The following TNR variants were observed in gnomAD, a reference collection of about 807,000 sequenced individuals.
TNR encodes tenascin R.
TNR carries 45 observed loss-of-function variants against 150.4 expected under a neutral mutation model. The observed-to-expected ratio is 0.30, with a 90% CI of 0.24 to 0.38. The LOEUF (loss-of-function observed/expected upper bound fraction) is 0.38, where lower values mean the gene tolerates loss of function less well. Ranked by LOEUF, TNR falls within the 10% of genes least tolerant of loss-of-function variation. The pLI, the probability that TNR is intolerant of heterozygous loss-of-function variation, is 1.00. For missense variants in TNR, 1,544 were observed against 1,759.1 expected, an observed-to-expected ratio of 0.88 and a Z score of 2.19; for synonymous variants, 687 against 678.4, an observed-to-expected ratio of 1.01 and a Z score of -0.20.
chr1:175,656,298 G>A (rs182864274), intron 1 of TNR, among the ~76,000 whole-genome samples: 9 of 152,188 alleles, frequency 5.9e-5, no homozygotes, highest in South Asian at 4.2e-4. Flanking sequence ...CAATGACCTC[G>A]GCTACGTGGT....
chr1:175,703,823 CAGCG>C (rs1452177175), intron 1 of TNR, among the ~76,000 whole-genome samples: 1 of 152,190 alleles, frequency 6.6e-6, no homozygotes, highest in Non-Finnish European at 1.5e-5. Flanking sequence ...TAAAATGGCA[CAGCG>C]TATAGGGGTA....
chr1:175,339,155 G>T (rs1356599448), intron 18 of TNR, among the ~76,000 whole-genome samples: 2 of 152,182 alleles, frequency 1.3e-5, no homozygotes, highest in Non-Finnish European at 2.9e-5. Flanking sequence ...AAGATTACAT[G>T]ACTCAGATTG....
At chr1:175,739,934 A>G (rs974178574) in intron 1 of TNR, among the ~76,000 whole-genome samples, 2 of 152,214 alleles carry the variant, frequency 1.3e-5, no homozygotes, top group East Asian at 3.8e-4. Context: ...TTTCAAAATC[A>G]TCTCTATGAA....
At chr1:175,680,781 T>TGTGTAG (rs1272093523) in intron 1 of TNR, among the ~76,000 whole-genome samples, 1 of 152,148 alleles carries the variant, frequency 6.6e-6, no homozygotes, top group Non-Finnish European at 1.5e-5. Flanking sequence ...AAGGACTGAG[T>TGTGTAG]ACCAGTGTGT....
chr1:175,420,821 A>C lies in TNR; in HGVS notation c.-63-14044T>G, dbSNP rs190687157. Among the ~76,000 whole-genome samples, 350 of 152,316 alleles carry C rather than the reference A, an allele frequency of 2.3e-3. 2 individuals carry two copies. The highest frequency in any genetic ancestry group is 4.2e-3 in the Admixed American group (65 of 15,296). On this transcript the variant is annotated intron_variant, in intron 2 of 22. Coordinates refer to ENST00000367674, the MANE Select transcript of TNR (RefSeq NM_003285.3). ...GGTAGTAAAGAAGTGCTCTGAGGGT[A>C]ATGTATGCTATCTCTGAGAAATTCA...
chr1:175,588,610 C>G (rs60500016), intron 1 of TNR, among the ~76,000 whole-genome samples: 18,658 of 152,092 alleles, frequency 0.12, 1,450 homozygotes, highest in African/African-American at 0.22. Context: ...TAATCAAACA[C>G]GGGCTGCTCT....
chr1:175,497,505 G>C (rs1658537427), intron 2 of TNR, among the ~76,000 whole-genome samples: 1 of 152,208 alleles, frequency 6.6e-6, no homozygotes, highest in African/African-American at 2.4e-5. Context: ...GCTTAACAAG[G>C]TTTTTCTGTA....
intron 1 of TNR, among the ~76,000 whole-genome samples, chr1:175,742,434 C>T (rs1400151664): frequency 2.0e-5 from 3 of 152,282 alleles, no homozygotes; most frequent in South Asian, 2.1e-4. Context: ...TTCTTTCCAA[C>T]CACCCATAGC....
At position 175,356,947 on chromosome 1, in the gene TNR, C is replaced by T. The variant is rs549522805; in HGVS notation, c.2975-485G>A. On this transcript the variant is annotated intron_variant, in intron 15 of 22. Coordinates refer to ENST00000367674, the MANE Select transcript of TNR (RefSeq NM_003285.3). ...GAGAACTGAGAATAATGGAGAGGTA[C>T]TGACCAATGAAATAAACAGGGTCAG... Among the ~76,000 whole-genome samples, 13 of 152,306 alleles carry T rather than the reference C, an allele frequency of 8.5e-5. No homozygotes were observed. In the East Asian group the frequency reaches 2.1e-3, roughly 25 times the overall value.
At chr1:175,648,287 G>C (rs1178522424) in intron 1 of TNR, among the ~76,000 whole-genome samples, 4 of 152,084 alleles carry the variant, frequency 2.6e-5, no homozygotes, top group African/African-American at 4.8e-5. Context: ...CTTAATACGT[G>C]CTCAATGGAT....
At chr1:175,379,903 A>G (rs1051669548) in intron 8 of TNR, among the ~76,000 whole-genome samples, 166 bp from the exon 9 acceptor site, 1 of 152,224 alleles carries the variant, frequency 6.6e-6, no homozygotes, top group Non-Finnish European at 1.5e-5. Flanking sequence ...GTCTGCTGTG[A>G]CAAATTCCTT....
chr1:175,685,745 C>T (rs1460526536), intron 1 of TNR, among the ~76,000 whole-genome samples: 1 of 152,110 alleles, frequency 6.6e-6, no homozygotes, highest in Non-Finnish European at 1.5e-5. Context: ...TCTCAGGTCC[C>T]AAATCATCCC....
chr1:175,427,596 TTTATTTTTTA>T (rs1655050155), intron 2 of TNR, among the ~76,000 whole-genome samples: 3 of 152,148 alleles, frequency 2.0e-5, no homozygotes, highest in Admixed American at 6.5e-5. Context: ...TTTATCATGG[TTTATTTTTTA>T]TTATTTTTTA....
At chr1:175,487,305 G>T (rs1658057866) in intron 2 of TNR, among the ~76,000 whole-genome samples, 1 of 152,144 alleles carries the variant, frequency 6.6e-6, no homozygotes, top group Middle Eastern at 3.2e-3. Flanking sequence ...TGGAGCTCAG[G>T]TGGTAATGCT....
chr1:175,326,969 A>T (rs76213440), intron 21 of TNR, among the ~76,000 whole-genome samples: 11 of 142,346 alleles, frequency 7.7e-5, no homozygotes, highest in Admixed American at 1.4e-4. Context: ...TTTTACTTCT[A>T]TTTTTTTTTT....
intron 2 of TNR, among the ~76,000 whole-genome samples, chr1:175,479,856 A>G (rs1657704318): frequency 6.6e-6 from 1 of 152,152 alleles, no homozygotes; most frequent in African/African-American, 2.4e-5. Context: ...CAAGCTAATG[A>G]GGCATGCTAA....
intron 1 of TNR, among the ~76,000 whole-genome samples, chr1:175,669,843 G>A (rs550953079): frequency 9.2e-5 from 14 of 152,162 alleles, no homozygotes; most frequent in Admixed American, 5.9e-4. Context: ...AATGACCTTT[G>A]CTGCCACCTT....
At position 175,337,653 on chromosome 1, in the gene TNR, C is replaced by T; in HGVS notation, c.3409G>A (p.Asp1137Asn). The T allele has an allele frequency of 6.2e-7, 1 of 1,614,218 alleles. No individual in the cohort carries two copies. The highest frequency in any genetic ancestry group is 2.2e-5 in the East Asian group (1 of 44,884). ...CCATTCATCAAATGCTGGGCACAGT[C>T]TTGGGGATGAGGGAACACCCGGCCT... The part of the protein sequence containing the change: ...TGGRVFPHPQ[D>N]CAQHLMNGDT... Residue 1137 changes from aspartate (D) to asparagine (N), a missense_variant, in exon 19 of 23, where the codon GAC becomes AAC. By Grantham distance (23) the Asp-to-Asn change is conservative (BLOSUM62 1). Coordinates refer to ENST00000367674, the MANE Select transcript of TNR (RefSeq NM_003285.3).
intron 1 of TNR, among the ~76,000 whole-genome samples, chr1:175,696,239 T>C (rs1315667820): frequency 6.8e-5 from 10 of 146,732 alleles, no homozygotes; most frequent in African/African-American, 2.4e-4. Context: ...TTTTTTTTTT[T>C]TTTTTCCAAA....
Sources: allele counts gnomAD v4.1 joint callset (sites outside exome capture counted in the v4.1 genomes callset), GRCh38; gene constraint gnomAD v4.1.1; transcripts MANE v1.5; gene names NCBI Gene and HGNC (gene_info 2026-07-23, HGNC 2026-07-21).